The following PCDH15 variants were observed in gnomAD, a reference collection of about 807,000 sequenced individuals.
PCDH15 encodes the protein protocadherin-15.
PCDH15 carries 129 observed loss-of-function variants against 178.5 expected under a neutral mutation model. That is an observed-to-expected ratio of 0.72 (90% CI 0.63 to 0.84). The LOEUF (loss-of-function observed/expected upper bound fraction) is 0.84. PCDH15 is among the 40% of genes least tolerant of loss of function. The probability of loss-of-function intolerance (pLI) is 0.00; values close to 1 mark genes in which losing one functional copy is unlikely to be tolerated. For missense variants in PCDH15, 2,230 were observed against 2,099.9 expected (o/e 1.06, Z -1.21); for synonymous variants, 800 against 732.0 (o/e 1.09, Z -1.50).
At chr10:54,183,339 G>A (rs2048179837) in intron 13 of PCDH15, 105 bp downstream of exon 13, 1 of 1,127,240 alleles carries the variant, frequency 8.9e-7, no homozygotes, top group Non-Finnish European at 1.3e-6. Flanking sequence ...TACAATAAGT[G>A]TGAAATCAAT....
chr10:54,266,053 A>T lies in PCDH15; in HGVS notation c.877-29122T>A, dbSNP rs2057657981. 4.8e-4 allele frequency among the ~76,000 whole-genome samples: 13 copies of T among 27,166 alleles called. 1 individual carries two copies. The South Asian group carries it at 9.3e-3, about 20-fold the overall frequency. 17.8% of individuals were successfully genotyped at this position (27,166 alleles called of 152,430 possible). On this transcript the variant is annotated intron_variant, in intron 8 of 37. Coordinates refer to ENST00000644397, the MANE Select transcript of PCDH15 (RefSeq NM_001384140.1). ...TCATAAAGCAAGTGTCAAGAAATTA[A>T]AAAAAATATTAAATAATACCAAGCA...
intron 1 of PCDH15, among the ~76,000 whole-genome samples, chr10:54,762,000 G>C (rs1336385171): frequency 6.6e-6 from 1 of 151,928 alleles, no homozygotes; most frequent in African/African-American, 2.4e-5. Context: ...TCTAAACATA[G>C]AGTCCATACC....
intron 5 of PCDH15, among the ~76,000 whole-genome samples, chr10:54,357,569 G>A (rs938345810): frequency 2.0e-4 from 31 of 152,070 alleles, no homozygotes; most frequent in Admixed American, 1.8e-3. Context: ...AATCAATATC[G>A]TGAAAATGGC....
chr10:55,478,675 A>C (rs1311658870), intron 2 of PCDH15, among the ~76,000 whole-genome samples: 2 of 151,144 alleles, frequency 1.3e-5, no homozygotes, highest in African/African-American at 4.8e-5. Flanking sequence ...CTAAATAGAT[A>C]AGAAAAATAT....
intron 1 of PCDH15, among the ~76,000 whole-genome samples, chr10:54,707,825 A>G (rs1236322070): frequency 6.6e-6 from 1 of 152,168 alleles, no homozygotes; most frequent in Non-Finnish European, 1.5e-5. Context: ...AATACATAGA[A>G]ACCTAAAAGA....
At chr10:55,471,978 T>G (rs1228204122) in intron 2 of PCDH15, among the ~76,000 whole-genome samples, 1 of 152,130 alleles carries the variant, frequency 6.6e-6, no homozygotes, top group African/African-American at 2.4e-5. Context: ...AGGATGGTGG[T>G]TTTATGCCCA....
intron 1 of PCDH15, among the ~76,000 whole-genome samples, chr10:55,241,076 C>T (rs779334341): frequency 5.3e-5 from 8 of 151,990 alleles, no homozygotes; most frequent in Admixed American, 6.5e-5. Flanking sequence ...ATTAGCCAGG[C>T]GTGGTGGCAC....
At chr10:55,446,512 T>A (rs1007350895) in intron 2 of PCDH15, among the ~76,000 whole-genome samples, 6 of 152,032 alleles carry the variant, frequency 3.9e-5, no homozygotes, top group African/African-American at 1.4e-4. Flanking sequence ...AACGGGAAGA[T>A]AAATATGATC....
At chr10:54,319,800 C>A (rs1253719006) in intron 7 of PCDH15, among the ~76,000 whole-genome samples, 1 of 151,606 alleles carries the variant, frequency 6.6e-6, no homozygotes, top group Non-Finnish European at 1.5e-5. Flanking sequence ...AAAAAAGTCC[C>A]TCTTGTTAAA....
chr10:54,242,805 A>C (rs963964423), intron 8 of PCDH15, among the ~76,000 whole-genome samples: 1 of 152,152 alleles, frequency 6.6e-6, no homozygotes, highest in Non-Finnish European at 1.5e-5. Flanking sequence ...AAGGCATTAT[A>C]ATTATCTTCA....
chr10:55,017,620 G>A (rs989688412), intron 2 of PCDH15, among the ~76,000 whole-genome samples: 6 of 152,046 alleles, frequency 3.9e-5, no homozygotes, highest in Non-Finnish European at 1.5e-5. Context: ...ATGTTCAAAA[G>A]TAGAATATCC....
At chr10:54,056,504 A>G (rs1164841036) in intron 18 of PCDH15, among the ~76,000 whole-genome samples, 1 of 152,148 alleles carries the variant, frequency 6.6e-6, no homozygotes, top group African/African-American at 2.4e-5. Context: ...CCCATTTATA[A>G]AACCATCAGA....
At chr10:55,453,342 C>A (rs1006747212) in intron 2 of PCDH15, among the ~76,000 whole-genome samples, 1 of 152,046 alleles carries the variant, frequency 6.6e-6, no homozygotes. Context: ...CTTACTGCAG[C>A]GGATCTGACA....
chr10:54,662,820 C>G (rs1287365479), intron 2 of PCDH15, among the ~76,000 whole-genome samples: 1 of 151,948 alleles, frequency 6.6e-6, no homozygotes, highest in African/African-American at 2.4e-5. Flanking sequence ...CCAATCTACT[C>G]CTCTGGCACA....
intron 2 of PCDH15, among the ~76,000 whole-genome samples, chr10:54,938,168 C>T (rs555594119): frequency 6.6e-6 from 1 of 152,096 alleles, no homozygotes; most frequent in South Asian, 2.1e-4. Context: ...CACACTTGAT[C>T]GTAGTGTATA....
chr10:55,269,070 A>C (rs928896288), intron 1 of PCDH15, among the ~76,000 whole-genome samples: 1 of 152,110 alleles, frequency 6.6e-6, no homozygotes, highest in African/African-American at 2.4e-5. Flanking sequence ...AAAAGCTTTC[A>C]ACATAATCCA....
intron 13 of PCDH15, among the ~76,000 whole-genome samples, chr10:54,182,636 AC>A (rs926948015): frequency 1.3e-5 from 2 of 152,170 alleles, no homozygotes; most frequent in African/African-American, 4.8e-5. Context: ...TTTCAAAGTT[AC>A]CATTTACTAT....
intron 21 of PCDH15, among the ~76,000 whole-genome samples, chr10:53,983,118 C>A (rs1418870002): frequency 2.0e-5 from 3 of 152,008 alleles, no homozygotes; most frequent in South Asian, 4.1e-4. Flanking sequence ...GTCTTTGAGG[C>A]AACTACTCTG....
chr10:54,903,443 T>C, intron 2 of PCDH15, among the ~76,000 whole-genome samples: 1 of 152,150 alleles, frequency 6.6e-6, no homozygotes, highest in Non-Finnish European at 1.5e-5. Flanking sequence ...GCTAAGAATA[T>C]GATGATCACT....
Sources: gnomAD v4.1 joint callset for allele counts (sites outside exome capture counted in the v4.1 genomes callset) on GRCh38, gnomAD v4.1.1 for gene constraint, MANE v1.5 for transcripts, NCBI Gene and HGNC (gene_info 2026-07-23, HGNC 2026-07-21) for gene names.